The following LSAMP variants were observed in gnomAD, a reference collection of about 807,000 sequenced individuals.
The protein encoded by LSAMP is limbic system-associated membrane protein.
A neutral mutation model predicts 38.6 loss-of-function variants in LSAMP; 7 were observed. That is an observed-to-expected ratio of 0.18 (90% CI 0.10 to 0.34). LSAMP has a LOEUF of 0.34. Among genes scored for constraint, LSAMP ranks in the 10% least tolerant of loss-of-function variants. The pLI is 1.00. For synonymous variants in LSAMP, 154 were observed against 166.8 expected (o/e 0.92, Z 0.59); for missense variants, 313 against 420.0 (o/e 0.75, Z 2.23).
intron 3 of LSAMP, among the ~76,000 whole-genome samples, chr3:115,918,092 C>T (rs564770630): frequency 5.8e-4 from 89 of 152,268 alleles, no homozygotes; most frequent in African/African-American, 2.0e-3. Context: ...CTACTGACCT[C>T]TCTGGCCCTC....
At chr3:115,818,821 T>TATATATATATATATATATATATATATAA (rs1172422801) in intron 6 of LSAMP, among the ~76,000 whole-genome samples, 1 of 124,224 alleles carries the variant, frequency 8.0e-6, no homozygotes, top group Non-Finnish European at 1.7e-5. Context: ...TATATATATA[T>TATATATATATATATATATATATATATAA]AACTGCAGCA....
At chr3:116,194,686 G>T (rs1310134539) in intron 1 of LSAMP, among the ~76,000 whole-genome samples, 2 of 152,120 alleles carry the variant, frequency 1.3e-5, no homozygotes, top group Non-Finnish European at 2.9e-5. Context: ...GTGAGCCTCC[G>T]TACCCGGCCG....
chr3:116,192,019 A>G (rs1355901067), intron 1 of LSAMP, among the ~76,000 whole-genome samples: 3 of 142,908 alleles, frequency 2.1e-5, no homozygotes, highest in Non-Finnish European at 4.6e-5. Context: ...TGAATTACTG[A>G]GGGAAAAAAA....
intron 1 of LSAMP, among the ~76,000 whole-genome samples, chr3:116,126,676 A>T (rs1179422600): frequency 6.6e-6 from 1 of 152,198 alleles, no homozygotes; most frequent in African/African-American, 2.4e-5. Context: ...AGTCTGGCCA[A>T]CATGGCAAAA....
At chr3:116,390,359 A>C (rs1407827022) in intron 1 of LSAMP, among the ~76,000 whole-genome samples, 1 of 152,156 alleles carries the variant, frequency 6.6e-6, no homozygotes, top group African/African-American at 2.4e-5. Flanking sequence ...GTTCAGTTAG[A>C]GAAGACTTCA....
At chr3:115,993,220 T>G (rs1335808776) in intron 3 of LSAMP, among the ~76,000 whole-genome samples, 1 of 152,090 alleles carries the variant, frequency 6.6e-6, no homozygotes, top group African/African-American at 2.4e-5. Flanking sequence ...CCCCTAAGTT[T>G]TTCTAGTGGC....
At chr3:115,830,124 T>C (rs1934561924) in intron 6 of LSAMP, among the ~76,000 whole-genome samples, 1 of 152,170 alleles carries the variant, frequency 6.6e-6, no homozygotes, top group Non-Finnish European at 1.5e-5. Flanking sequence ...TTATCCATGA[T>C]TAATAGAGGT....
At chr3:115,816,561 CT>C (rs1288370122) in intron 6 of LSAMP, 2 of 1,037,560 alleles carry the variant, frequency 1.9e-6, no homozygotes, top group African/African-American at 3.3e-5. Context: ...CAATATATTG[CT>C]GTGAAATCTT....
At chr3:116,098,160 C>A (rs1462888849) in intron 1 of LSAMP, among the ~76,000 whole-genome samples, 1 of 152,164 alleles carries the variant, frequency 6.6e-6, no homozygotes, top group African/African-American at 2.4e-5. Context: ...TAGTGGTCTC[C>A]TCTCCCAGAT....
rs543590567 is a variant in LSAMP, at chr3:116,389,942, C to T, written c.155+54935G>A. ...TGAGCACTCCCATAATTAACTCTTA[C>T]TGCTGCATAATGTATAGTTAAACAA... On this transcript the variant is annotated intron_variant, in intron 1 of 6. Coordinates refer to ENST00000490035, the MANE Select transcript of LSAMP (RefSeq NM_002338.5). 1.4e-4 allele frequency among the ~76,000 whole-genome samples: 22 copies of T among 152,278 alleles called. No individual in the cohort carries two copies. In the East Asian group the frequency reaches 4.2e-3, roughly 29 times the overall value.
intron 2 of LSAMP, among the ~76,000 whole-genome samples, chr3:116,039,907 T>G (rs1253785852): frequency 2.0e-5 from 3 of 152,198 alleles, no homozygotes; most frequent in Non-Finnish European, 1.5e-5. Context: ...AGTCCTCCTT[T>G]TTGCCCTCAA....
At chr3:115,865,876 A>G (rs990061168) in intron 3 of LSAMP, among the ~76,000 whole-genome samples, 2 of 152,180 alleles carry the variant, frequency 1.3e-5, no homozygotes, top group Admixed American at 6.6e-5. Context: ...TCAATCCAGT[A>G]TTTAGATCAG....
chr3:116,371,341 A>T (rs144734608), intron 1 of LSAMP, among the ~76,000 whole-genome samples: 1 of 152,206 alleles, frequency 6.6e-6, no homozygotes, highest in South Asian at 2.1e-4. Context: ...TGAAAGGATT[A>T]TACACAATTA....
chr3:115,924,141 T>C (rs776813839), intron 3 of LSAMP, among the ~76,000 whole-genome samples: 1 of 152,148 alleles, frequency 6.6e-6, no homozygotes, highest in Non-Finnish European at 1.5e-5. Flanking sequence ...AATTTTTTAG[T>C]TTGTTTGTTT....
chr3:116,285,051 A>C (rs2047175235), intron 1 of LSAMP, among the ~76,000 whole-genome samples: 1 of 152,218 alleles, frequency 6.6e-6, no homozygotes, highest in Non-Finnish European at 1.5e-5. Flanking sequence ...AACAACAAAG[A>C]AAGCAAAGGT....
At chr3:116,034,058 C>G (rs1249920398) in intron 2 of LSAMP, among the ~76,000 whole-genome samples, 1 of 151,880 alleles carries the variant, frequency 6.6e-6, no homozygotes, top group Non-Finnish European at 1.5e-5. Flanking sequence ...GGAAAGTGAG[C>G]GGCTCCCACT....
chr3:116,334,675 T>C (rs1255780560), intron 1 of LSAMP, among the ~76,000 whole-genome samples: 2 of 152,034 alleles, frequency 1.3e-5, no homozygotes, highest in Admixed American at 6.6e-5. Flanking sequence ...GATGTAAAGA[T>C]GATAGTTTAC....
chr3:116,147,684 G>A (rs974121937), intron 1 of LSAMP, among the ~76,000 whole-genome samples: 5 of 151,644 alleles, frequency 3.3e-5, no homozygotes, highest in Non-Finnish European at 7.4e-5. Context: ...TTTAGTCCTC[G>A]GGTCCATTAT....
intron 1 of LSAMP, among the ~76,000 whole-genome samples, chr3:116,138,680 A>G (rs553126271): frequency 1.3e-5 from 2 of 152,070 alleles, no homozygotes; most frequent in Non-Finnish European, 2.9e-5. Flanking sequence ...AGTGAAGATA[A>G]AACACTTTCA....
Sources: allele counts gnomAD v4.1 joint callset (sites outside exome capture counted in the v4.1 genomes callset), GRCh38; gene constraint gnomAD v4.1.1; transcripts MANE v1.5; gene names NCBI Gene and HGNC (gene_info 2026-07-23, HGNC 2026-07-21).